The following DLGAP1 variants were observed in gnomAD, a reference collection of about 807,000 sequenced individuals.
The protein encoded by DLGAP1 is disks large-associated protein 1.
In DLGAP1, 11 loss-of-function variants were observed where a neutral mutation model predicts 90.8. The observed-to-expected ratio is 0.12, with a 90% confidence interval of 0.08 to 0.20. The LOEUF (loss-of-function observed/expected upper bound fraction) is 0.20. Among genes scored for constraint, DLGAP1 ranks in the 10% least tolerant of loss-of-function variants. The probability of loss-of-function intolerance (pLI) is 1.00; values close to 1 mark genes in which losing one functional copy is unlikely to be tolerated. For missense variants in DLGAP1, 1,050 were observed against 1,333.8 expected, an observed-to-expected ratio of 0.79 and a Z score of 3.31; for synonymous variants, 558 against 540.7, an observed-to-expected ratio of 1.03 and a Z score of -0.44.
At chr18:4,433,072 T>G (rs1048715794) in intron 1 of DLGAP1, among the ~76,000 whole-genome samples, 1 of 152,162 alleles carries the variant, frequency 6.6e-6, no homozygotes, top group Non-Finnish European at 1.5e-5. Flanking sequence ...CAGCTGGAGA[T>G]TTTTTTCCCC....
chr18:4,417,097 T>C (rs1314572633), intron 1 of DLGAP1, among the ~76,000 whole-genome samples: 1 of 152,170 alleles, frequency 6.6e-6, no homozygotes, highest in African/African-American at 2.4e-5. Context: ...GTAATATTAC[T>C]AAGATGCCAT....
intron 1 of DLGAP1, among the ~76,000 whole-genome samples, chr18:4,268,530 A>C (rs1256154081): frequency 6.6e-6 from 1 of 152,178 alleles, no homozygotes; most frequent in African/African-American, 2.4e-5. Flanking sequence ...TTCTCTCCTT[A>C]TAGTACCAGA....
At chr18:4,382,337 C>T (rs917501809) in intron 1 of DLGAP1, among the ~76,000 whole-genome samples, 1 of 152,028 alleles carries the variant, frequency 6.6e-6, no homozygotes, top group Non-Finnish European at 1.5e-5. Flanking sequence ...ATTAAGTACT[C>T]AATAAAGTTT....
rs1568180682 is a variant in DLGAP1 at position 3,551,738 on chromosome 18, T to TCCTTCCTTCCTC, written c.2057+15751_2057+15752insGAGGAAGGAAGG. Among the ~76,000 whole-genome samples the TCCTTCCTTCCTC allele has an allele frequency of 1.2e-4, 7 of 58,512 alleles. 1 individual carries two copies. The highest frequency in any genetic ancestry group is 5.1e-4 in the African/African-American group (7 of 13,674). The allele number at this position is 58,512 out of a possible 152,430, so 38.4% of individuals were successfully genotyped here. A position where few individuals can be genotyped will look rare whatever the true frequency, so the allele number is the denominator to read the frequency against. ...TCCCTCCCTCCCTTCCTTCCTTCCT[T>TCCTTCCTTCCTC]CCTTCCTTCCTTCCTTCCTTCCTTC... On this transcript the variant is annotated intron_variant, in intron 9 of 12. Transcript: ENST00000315677.
At chr18:4,039,130 T>C (rs1039763982) in intron 2 of DLGAP1, among the ~76,000 whole-genome samples, 23 of 152,250 alleles carry the variant, frequency 1.5e-4, no homozygotes, top group Non-Finnish European at 2.9e-4. Context: ...AGCTCAGCTT[T>C]TAGAAATATT....
intron 1 of DLGAP1, among the ~76,000 whole-genome samples, chr18:4,175,073 C>T (rs1019826356): frequency 6.6e-6 from 1 of 152,204 alleles, no homozygotes. Flanking sequence ...TCCACAGCCT[C>T]ACCAGCATCT....
chr18:4,117,232 G>A (rs1004821853), intron 2 of DLGAP1, among the ~76,000 whole-genome samples: 1 of 152,182 alleles, frequency 6.6e-6, no homozygotes, highest in African/African-American at 2.4e-5. Flanking sequence ...CTAGCATCCA[G>A]AATTTTGAGA....
Position 4,395,232 on chromosome 18 carries a change from G to T in DLGAP1, c.-267+59774C>A, listed in dbSNP as rs143999751. Among the ~76,000 whole-genome samples, 1,075 of 152,260 alleles carry T rather than the reference G, an allele frequency of 7.1e-3. 11 individuals carry two copies. The highest frequency in any genetic ancestry group is 0.011 in the Admixed American group (167 of 15,280). On this transcript the variant is annotated intron_variant, in intron 1 of 12. Coordinates refer to ENST00000315677, the MANE Select transcript of DLGAP1 (RefSeq NM_004746.4). ...TTGACATACAAAAGAAAAAGAAAGA[G>T]AAAGTAAAATTCCAAATGGGTATTA...
At chr18:4,051,244 G>A (rs895898583) in intron 2 of DLGAP1, among the ~76,000 whole-genome samples, 3 of 152,072 alleles carry the variant, frequency 2.0e-5, no homozygotes, top group African/African-American at 7.2e-5. Flanking sequence ...TTGGCTCTGT[G>A]TCCCCACCTG....
chr18:4,363,097 AGG>A (rs1241219920), intron 1 of DLGAP1, among the ~76,000 whole-genome samples: 2 of 152,154 alleles, frequency 1.3e-5, no homozygotes, highest in Admixed American at 6.5e-5. Flanking sequence ...TAAGATTTAC[AGG>A]GAGATCCAGT....
chr18:4,366,862 C>A (rs1483252534), intron 1 of DLGAP1, among the ~76,000 whole-genome samples: 1 of 151,884 alleles, frequency 6.6e-6, no homozygotes, highest in Non-Finnish European at 1.5e-5. Context: ...TGTTTCTCAT[C>A]TTTAAGCCAT....
intron 7 of DLGAP1, chr18:3,606,528 A>G (rs2057335522): frequency 6.6e-6 from 1 of 152,206 alleles, no homozygotes; most frequent in Non-Finnish European, 1.5e-5. Flanking sequence ...TTCTACACTG[A>G]CCAGTAGTTT....
chr18:4,012,284 G>A (rs892628484), intron 2 of DLGAP1, among the ~76,000 whole-genome samples: 6 of 152,144 alleles, frequency 3.9e-5, no homozygotes, highest in African/African-American at 1.4e-4. Context: ...AGACTTTAGT[G>A]GATCCCCATG....
chr18:3,911,882 T>C lies in DLGAP1; in HGVS notation c.-72-31742A>G, dbSNP rs138157738. On this transcript the variant is annotated intron_variant, in intron 3 of 12. Transcript: ENST00000315677. The stretch of plus-strand genomic sequence containing the variant: ...ATATTTACTTAATGTCAAATTAGCA[T>C]ACAGCAGTGAAAAGTCACTCAATGG... Among the ~76,000 whole-genome samples, 1,164 of 152,334 alleles carry C rather than the reference T, an allele frequency of 7.6e-3. 11 individuals carry two copies. Among genetic ancestry groups the C allele is most frequent in the Admixed American group, 8.8e-3 (134 of 15,308 alleles).
chr18:3,914,898 G>T (rs570081886), intron 3 of DLGAP1, among the ~76,000 whole-genome samples: 1 of 152,158 alleles, frequency 6.6e-6, no homozygotes, highest in South Asian at 2.1e-4. Context: ...TGCATGCCAT[G>T]ACACCTGGCT....
intron 7 of DLGAP1, among the ~76,000 whole-genome samples, chr18:3,673,066 A>G (rs1210139285): frequency 6.6e-6 from 1 of 152,200 alleles, no homozygotes; most frequent in East Asian, 1.9e-4. Flanking sequence ...TTCAAGGTCT[A>G]TCTTAGTCTA....
chr18:4,301,327 C>T (rs929560535), intron 1 of DLGAP1, among the ~76,000 whole-genome samples: 2 of 152,224 alleles, frequency 1.3e-5, no homozygotes, highest in African/African-American at 4.8e-5. Flanking sequence ...CATCATTCCA[C>T]TCTCTACTTC....
At chr18:3,936,055 G>T (rs4798148) in intron 3 of DLGAP1, among the ~76,000 whole-genome samples, 95,755 of 151,438 alleles carry the variant, frequency 0.63, 30,457 homozygotes, top group Non-Finnish European at 0.68. Context: ...AGCCTCTGCT[G>T]GGGTCACATT....
intron 3 of DLGAP1, among the ~76,000 whole-genome samples, chr18:3,905,921 CA>C (rs2148887974): frequency 6.6e-6 from 1 of 152,292 alleles, no homozygotes; most frequent in South Asian, 2.1e-4. Context: ...CAGCATTTTG[CA>C]AAACAGTCTG....
Sources: gnomAD v4.1 joint callset for allele counts (sites outside exome capture counted in the v4.1 genomes callset) on GRCh38, gnomAD v4.1.1 for gene constraint, MANE v1.5 for transcripts, NCBI Gene and HGNC (gene_info 2026-07-23, HGNC 2026-07-21) for gene names.